ANKRD17: variants seen among roughly 807,000 people sequenced by gnomAD.
ANKRD17 encodes ankyrin repeat domain-containing protein 17.
Under a neutral mutation model 229.7 loss-of-function variants are expected in ANKRD17, and 19 were observed. The observed-to-expected ratio is 0.08, with a 90% CI of 0.06 to 0.12. The LOEUF is 0.12. Ranked by LOEUF, ANKRD17 falls within the 10% of genes least tolerant of loss-of-function variation. The pLI is 1.00. For missense variants in ANKRD17, 2,176 were observed against 3,176.8 expected (o/e 0.68, Z 7.57); for synonymous variants, 1,112 against 1,146.1 (o/e 0.97, Z 0.60).
At chr4:73,131,053 G>T (rs1372068826) in intron 16 of ANKRD17, among the ~76,000 whole-genome samples, 1 of 152,098 alleles carries the variant, frequency 6.6e-6, no homozygotes, top group Non-Finnish European at 1.5e-5. Context: ...CTATCAAAAG[G>T]TGTAATAAAA....
intron 16 of ANKRD17, among the ~76,000 whole-genome samples, chr4:73,129,761 C>CTT (rs768232283): frequency 1.1e-4 from 15 of 134,138 alleles, no homozygotes; most frequent in East Asian, 2.2e-4. Context: ...CTATTAATTA[C>CTT]TTTTTTTTTT....
intron 16 of ANKRD17, among the ~76,000 whole-genome samples, chr4:73,128,704 T>C (rs963151456): frequency 5.9e-5 from 9 of 152,104 alleles, no homozygotes; most frequent in African/African-American, 2.2e-4. Flanking sequence ...TAATAATATA[T>C]TATGAGATTT....
intron 2 of ANKRD17, among the ~76,000 whole-genome samples, chr4:73,161,558 G>T (rs536210423): frequency 1.0e-3 from 155 of 152,316 alleles, no homozygotes; most frequent in South Asian, 3.3e-3. Context: ...ATAGGTACTT[G>T]ATCCTGTGAC....
At chr4:73,083,004 C>T (rs559718621) in intron 30 of ANKRD17, among the ~76,000 whole-genome samples, 18 of 152,206 alleles carry the variant, frequency 1.2e-4, no homozygotes, top group Non-Finnish European at 2.2e-4. Flanking sequence ...AAGGGCTTGA[C>T]GTCTACAACT....
chr4:73,150,757 C>G (rs1730900193), intron 7 of ANKRD17, among the ~76,000 whole-genome samples: 1 of 152,102 alleles, frequency 6.6e-6, no homozygotes, highest in South Asian at 2.1e-4. Context: ...ATAAATTTTT[C>G]TATGATATTT....
intron 1 of ANKRD17, among the ~76,000 whole-genome samples, chr4:73,250,601 A>AAAAAAAAAAAAAAAAAAAAAAAAAAAC (rs1744918294): frequency 6.7e-6 from 1 of 148,574 alleles, no homozygotes; most frequent in Non-Finnish European, 1.5e-5. Flanking sequence ...AAAAAAAAAA[A>AAAAAAAAAAAAAAAAAAAAAAAAAAAC]AAAAAAAAAA....
intron 24 of ANKRD17, among the ~76,000 whole-genome samples, chr4:73,106,663 G>A (rs1237277328): frequency 1.3e-5 from 2 of 152,054 alleles, no homozygotes; most frequent in Non-Finnish European, 2.9e-5. Context: ...GGCAGATCAC[G>A]ATGTCAAGAG....
intron 1 of ANKRD17, among the ~76,000 whole-genome samples, chr4:73,177,887 T>C (rs541728155): frequency 6.6e-6 from 1 of 152,284 alleles, no homozygotes; most frequent in South Asian, 2.1e-4. Context: ...ATCAGCAGTT[T>C]TTAAATGTTT....
intron 23 of ANKRD17, among the ~76,000 whole-genome samples, chr4:73,115,393 C>A (rs775952627): frequency 1.3e-5 from 2 of 152,124 alleles, no homozygotes; most frequent in Non-Finnish European, 2.9e-5. Flanking sequence ...CGGGTTCAAG[C>A]GATTTTCGTG....
At chr4:73,128,899 A>G (rs1727818813) in intron 16 of ANKRD17, among the ~76,000 whole-genome samples, 1 of 152,198 alleles carries the variant, frequency 6.6e-6, no homozygotes, top group Non-Finnish European at 1.5e-5. Context: ...TTGGGTTAAT[A>G]TTAATAATGA....
rs775023602 is a variant in ANKRD17, at chr4:73,153,986, A to G, written c.1128T>C (p.Ser376=). 1.7e-5 allele frequency: 27 copies of G among 1,613,634 alleles called. No homozygotes were observed. The highest frequency in any genetic ancestry group is 2.1e-5 in the Non-Finnish European group (25 of 1,179,866). Reference sequence around the variant, plus strand: ...ATCTGGCTACTTCCACATGTCCAGCACTTCCAGCTTCCATAAGAGGGGTAT... The same window carrying G: ...ATCTGGCTACTTCCACATGTCCAGCGCTTCCAGCTTCCATAAGAGGGGTAT... ...NGHTPLMEAG[S]AGHVEVARLL... Residue 376 remains serine, a synonymous_variant, in exon 6 of 34, where the codon AGT becomes AGC. Transcript: ENST00000358602.
chr4:73,088,677 A>G (rs1343152275), intron 29 of ANKRD17, among the ~76,000 whole-genome samples: 1 of 152,222 alleles, frequency 6.6e-6, no homozygotes, highest in East Asian at 1.9e-4. Flanking sequence ...TTCATAGTAC[A>G]CATAAATATT....
Position 73,142,311 on chromosome 4 carries a change from A to G in ANKRD17, c.2160T>C (p.Pro720=). The G allele has an allele frequency of 1.3e-6, 2 of 1,569,946 alleles. No individual in the cohort carries two copies. The highest frequency in any genetic ancestry group is 8.6e-7 in the Non-Finnish European group (1 of 1,169,490). Residue 720 remains proline (P), a synonymous_variant, in exon 13 of 34, where the codon CCT becomes CCC. Coordinates refer to ENST00000358602, the MANE Select transcript of ANKRD17 (RefSeq NM_032217.5). ...TSVVCYLLDY[P]NNLLSAPPPD... ...GTGGAGGGGCTGAAAGCAAGTTATT[A>G]GGATAATCCAAGAGATAGCAAACAA...
intron 2 of ANKRD17, 147 bp downstream of exon 2, chr4:73,177,233 T>A: frequency 1.3e-6 from 1 of 756,750 alleles, no homozygotes; most frequent in South Asian, 5.6e-5. Flanking sequence ...AAACGCTCCA[T>A]GTAATTCAGC....
chr4:73,168,448 G>A (rs1006148708), intron 2 of ANKRD17, among the ~76,000 whole-genome samples: 3 of 151,644 alleles, frequency 2.0e-5, no homozygotes, highest in Non-Finnish European at 2.9e-5. Context: ...TTGTGTGTGT[G>A]TATATATATA....
chr4:73,230,999 C>T (rs940662184), intron 1 of ANKRD17, among the ~76,000 whole-genome samples: 4 of 152,172 alleles, frequency 2.6e-5, no homozygotes, highest in African/African-American at 9.7e-5. Flanking sequence ...CAAGTGCATA[C>T]ATAACAGAAA....
chr4:73,146,321 T>C lies in ANKRD17; in HGVS notation c.1869+443A>G, dbSNP rs542532882. On this transcript the variant is annotated intron_variant, in intron 10 of 33. Coordinates refer to ENST00000358602, the MANE Select transcript of ANKRD17 (RefSeq NM_032217.5). Reference sequence around the variant, plus strand: ...TCACCTATTATTTTTTCTGAAATTATAAAGTACTTGAGGGAAAAGTTTATT... The same window carrying C: ...TCACCTATTATTTTTTCTGAAATTACAAAGTACTTGAGGGAAAAGTTTATT... Among the ~76,000 whole-genome samples the C allele has an allele frequency of 5.5e-4, 83 of 152,252 alleles. 1 individual carries two copies. The South Asian group carries it at 0.016, about 29-fold the overall frequency.
At chr4:73,146,686 C>T (rs1310859124) in intron 10 of ANKRD17, 78 bp downstream of exon 10, 4 of 1,029,404 alleles carry the variant, frequency 3.9e-6, no homozygotes, top group African/African-American at 3.3e-5. Flanking sequence ...AAAGAAATAC[C>T]TTTTGTCTAG....
rs1469996641 is a variant in ANKRD17 at position 73,074,743 on chromosome 4, G to A, written c.*1488C>T. 1 of 152,106 alleles carries A rather than the reference G, an allele frequency of 6.6e-6. No individual in the cohort carries two copies. Among genetic ancestry groups the A allele is most frequent in the Non-Finnish European group, 1.5e-5 (1 of 67,820 alleles). The allele number at this position is 152,106 out of a possible 1,614,324, so 9.4% of individuals were successfully genotyped here. ...GTTAGTTTTTATGTTTTACCAGTGTGAAATTTTATGTCTAATTAAAAAAAA... is the reference window on the plus strand; with the variant it reads ...GTTAGTTTTTATGTTTTACCAGTGTAAAATTTTATGTCTAATTAAAAAAAA... On this transcript the variant is annotated 3_prime_UTR_variant, in exon 34 of 34. Transcript: ENST00000358602.
Sources: allele counts gnomAD v4.1 joint callset (sites outside exome capture counted in the v4.1 genomes callset), GRCh38; gene constraint gnomAD v4.1.1; transcripts MANE v1.5; gene names NCBI Gene and HGNC (gene_info 2026-07-23, HGNC 2026-07-21).